SNTG2: variants seen among roughly 807,000 people sequenced by gnomAD.
SNTG2 encodes the protein gamma-2-syntrophin.
Under a neutral mutation model 70.9 loss-of-function variants are expected in SNTG2, and 74 were observed. The observed-to-expected ratio is 1.04, with a 90% CI of 0.86 to 1.27. SNTG2 has a LOEUF of 1.27. Among genes scored for constraint, SNTG2 ranks in the 50% most tolerant of loss-of-function variants. SNTG2 has a pLI of 0.00. For missense variants in SNTG2, 717 were observed against 690.7 expected (o/e 1.04, Z -0.43); for synonymous variants, 278 against 273.8 (o/e 1.02, Z -0.15).
intron 13 of SNTG2, among the ~76,000 whole-genome samples, chr2:1,263,881 G>A (rs1308606522): frequency 1.3e-5 from 2 of 152,276 alleles, no homozygotes; most frequent in Non-Finnish European, 2.9e-5. Context: ...GGCAAAGAAA[G>A]GCCTCAAATT....
At chr2:1,267,599 C>A (rs772829215) in intron 14 of SNTG2, 28 bp downstream of exon 14, 1 of 1,595,000 alleles carries the variant, frequency 6.3e-7, no homozygotes, top group African/African-American at 1.3e-5. Flanking sequence ...ACTCTTCTCA[C>A]CTACACCTGC....
intron 1 of SNTG2, among the ~76,000 whole-genome samples, chr2:1,001,684 A>G (rs557340747): frequency 4.6e-5 from 7 of 152,086 alleles, no homozygotes; most frequent in Non-Finnish European, 8.8e-5. Flanking sequence ...TAAAATAACC[A>G]TACTACCCAA....
At chr2:1,218,263 TC>T (rs1332411460) in intron 9 of SNTG2, among the ~76,000 whole-genome samples, 1 of 152,158 alleles carries the variant, frequency 6.6e-6, no homozygotes, top group Non-Finnish European at 1.5e-5. Context: ...TAACTCAAGG[TC>T]AGCTGAGTTG....
intron 1 of SNTG2, among the ~76,000 whole-genome samples, chr2:1,070,260 G>A (rs1663442858): frequency 6.6e-6 from 1 of 151,954 alleles, no homozygotes; most frequent in Admixed American, 6.6e-5. Flanking sequence ...CAACAGTTTT[G>A]ACAGGTAGAT....
At chr2:959,044 G>A (rs1260513553) in intron 1 of SNTG2, among the ~76,000 whole-genome samples, 1 of 152,104 alleles carries the variant, frequency 6.6e-6, no homozygotes, top group Non-Finnish European at 1.5e-5. Context: ...GCAACAAAAT[G>A]AAATAGAACA....
intron 8 of SNTG2, among the ~76,000 whole-genome samples, chr2:1,202,400 C>T (rs983383062): frequency 2.6e-5 from 4 of 151,500 alleles, no homozygotes; most frequent in Non-Finnish European, 4.4e-5. Context: ...TCTAAAGAAA[C>T]ACTGATATAT....
At position 1,281,963 on chromosome 2, in the gene SNTG2, C is replaced by G. The variant is rs186558447; in HGVS notation, c.1284+14392C>G. ...CGGCCGAGCCTTGTGACCTTGCTAC[C>G]ACTTCTGGCATTGTTTCTATAGGAA... On this transcript the variant is annotated intron_variant, in intron 14 of 16. Coordinates refer to ENST00000308624, the MANE Select transcript of SNTG2 (RefSeq NM_018968.4). Among the ~76,000 whole-genome samples, 34 of 152,270 alleles carry G rather than the reference C, an allele frequency of 2.2e-4. No homozygotes were observed. The East Asian group carries it at 3.1e-3, about 14-fold the overall frequency.
At chr2:953,492 A>C (rs1572157251) in intron 1 of SNTG2, among the ~76,000 whole-genome samples, 1 of 152,244 alleles carries the variant, frequency 6.6e-6, no homozygotes, top group South Asian at 2.1e-4. Context: ...GGCACCACCT[A>C]ATCATCTGTT....
intron 14 of SNTG2, among the ~76,000 whole-genome samples, chr2:1,306,615 ACTGAGGACTGGGGACTGAGAC>A (rs1199264859): frequency 6.6e-6 from 1 of 151,920 alleles, no homozygotes; most frequent in Non-Finnish European, 1.5e-5. Flanking sequence ...AGGACTGAGG[ACTGAGGACTGGGGACTGAGAC>A]CTGAGACTTG....
chr2:1,172,970 G>T, intron 7 of SNTG2, 122 bp from the exon 8 acceptor site: 1 of 825,052 alleles, frequency 1.2e-6, no homozygotes. Flanking sequence ...GCCCATAACT[G>T]GACACCAGGC....
At chr2:1,079,135 A>G (rs1664110476) in intron 1 of SNTG2, among the ~76,000 whole-genome samples, 2 of 152,212 alleles carry the variant, frequency 1.3e-5, no homozygotes, top group Admixed American at 1.3e-4. Flanking sequence ...GCCTTGGAGA[A>G]GGCAGGACCC....
rs557735976 is a variant in SNTG2, at chr2:1,259,082, A to C, written c.1006-288A>C. On this transcript the variant is annotated intron_variant, in intron 12 of 16. Coordinates refer to ENST00000308624, the MANE Select transcript of SNTG2 (RefSeq NM_018968.4). ...TTATGCCCAATTGCATGTGATAGAC[A>C]AGATATCATAGATATCAATCTTATC... Among the ~76,000 whole-genome samples the C allele has an allele frequency of 2.3e-3, 356 of 152,372 alleles. 4 individuals carry two copies. The highest frequency in any genetic ancestry group is 8.2e-3 in the African/African-American group (342 of 41,596).
intron 16 of SNTG2, among the ~76,000 whole-genome samples, chr2:1,338,715 T>A (rs1052293538): frequency 6.6e-6 from 1 of 152,216 alleles, no homozygotes; most frequent in African/African-American, 2.4e-5. Context: ...CATTCTTTTT[T>A]AGAGCTGAAT....
chr2:1,052,998 C>T (rs10183535), intron 1 of SNTG2, among the ~76,000 whole-genome samples: 4 of 152,008 alleles, frequency 2.6e-5, no homozygotes, highest in Admixed American at 6.5e-5. Context: ...TTTTCAGGAG[C>T]GGAGATTTTC....
chr2:1,328,209 G>A (rs1205251844), intron 16 of SNTG2, among the ~76,000 whole-genome samples: 1 of 152,110 alleles, frequency 6.6e-6, no homozygotes, highest in Admixed American at 6.5e-5. Context: ...CCAGCACTGG[G>A]AATGACAATT....
intron 1 of SNTG2, among the ~76,000 whole-genome samples, chr2:1,075,733 G>C (rs752060299): frequency 6.6e-6 from 1 of 152,188 alleles, no homozygotes; most frequent in African/African-American, 2.4e-5. Flanking sequence ...TGTTGGATAT[G>C]CTGCTGGATT....
intron 2 of SNTG2, among the ~76,000 whole-genome samples, chr2:1,088,090 C>A (rs1463589095): frequency 2.0e-5 from 3 of 152,150 alleles, no homozygotes; most frequent in Non-Finnish European, 4.4e-5. Flanking sequence ...TAACCTTAAT[C>A]TTTATTATTT....
chr2:1,009,384 C>T (rs1229554419), intron 1 of SNTG2, among the ~76,000 whole-genome samples: 3 of 42,570 alleles, frequency 7.0e-5, no homozygotes, highest in African/African-American at 1.2e-4. Context: ...ACTGGTGGGT[C>T]GTGTGTATGG....
At chr2:1,187,641 A>C (rs1026135447) in intron 8 of SNTG2, among the ~76,000 whole-genome samples, 3 of 152,188 alleles carry the variant, frequency 2.0e-5, no homozygotes, top group Non-Finnish European at 4.4e-5. Flanking sequence ...AGTTAAAGGC[A>C]ATCCAATTCT....
Sources: allele counts gnomAD v4.1 joint callset (sites outside exome capture counted in the v4.1 genomes callset), GRCh38; gene constraint gnomAD v4.1.1; transcripts MANE v1.5; gene names NCBI Gene and HGNC (gene_info 2026-07-23, HGNC 2026-07-21).